The following SLC27A6 variants were observed in gnomAD, a reference collection of about 807,000 sequenced individuals.
SLC27A6 encodes solute carrier family 27 member 6.
In SLC27A6, 74 loss-of-function variants were observed where a neutral mutation model predicts 63.9. That is an observed-to-expected ratio of 1.16 (90% confidence interval 0.96 to 1.40). The LOEUF (loss-of-function observed/expected upper bound fraction) is 1.40. Among genes scored for constraint, SLC27A6 ranks in the 40% most tolerant of loss-of-function variants. SLC27A6 has a pLI of 0.00. For missense variants in SLC27A6, 794 were observed against 732.9 expected (o/e 1.08, Z -0.96); for synonymous variants, 287 against 260.8 (o/e 1.10, Z -0.97).
chr5:129,011,570 T>C (rs554165457), intron 4 of SLC27A6, among the ~76,000 whole-genome samples: 15 of 152,274 alleles, frequency 9.9e-5, no homozygotes, highest in African/African-American at 3.4e-4. Context: ...AGAATGAACT[T>C]AAATAGATTT....
rs766992404 is a variant in SLC27A6, at chr5:129,028,427, G to C, written c.1537G>C (p.Gly513Arg). ...TTTCATACAGGAAGCAAACGTCTAT[G>C]GTGTGGCTATATCAGGTATAAATAT... Reference protein sequence around the residue: ...LDFIQEANVYGVAISGYEGRA... With the variant: ...LDFIQEANVYRVAISGYEGRA... Residue 513 changes from glycine to arginine, a missense_variant, in exon 8 of 10, where the codon GGT becomes CGT. Physicochemically the swap from Gly to Arg is moderately radical, Grantham distance 125. Transcript: ENST00000262462. The C allele has an allele frequency of 2.3e-5, 37 of 1,596,746 alleles. No homozygotes were observed. In the Middle Eastern group the frequency reaches 8.3e-4, roughly 36 times the overall value.
chr5:128,966,676 C>G, intron 1 of SLC27A6, 58 bp downstream of exon 1: 1 of 1,046,864 alleles, frequency 9.6e-7, no homozygotes, highest in Non-Finnish European at 1.2e-6. Context: ...CTTTCATACC[C>G]TTTTTTTTTT....
intron 5 of SLC27A6, among the ~76,000 whole-genome samples, chr5:129,019,431 C>A (rs1752005092): frequency 6.8e-6 from 1 of 147,312 alleles, no homozygotes; most frequent in African/African-American, 2.5e-5. Context: ...TGAAATAAAG[C>A]TCGGAAAAAA....
At chr5:128,985,066 G>T (rs1750739632) in intron 1 of SLC27A6, 67 bp from the exon 2 acceptor site, 3 of 1,135,782 alleles carry the variant, frequency 2.6e-6, no homozygotes, top group Non-Finnish European at 2.6e-6. Flanking sequence ...ATACACAAAA[G>T]CAACTCCAAA....
chr5:129,015,221 T>C (rs984790244), intron 4 of SLC27A6, among the ~76,000 whole-genome samples: 1 of 152,180 alleles, frequency 6.6e-6, no homozygotes, highest in African/African-American at 2.4e-5. Context: ...ACTTACTAGA[T>C]ATAGAACAAA....
intron 1 of SLC27A6, among the ~76,000 whole-genome samples, chr5:128,974,518 T>G (rs947998784): frequency 2.0e-5 from 3 of 152,238 alleles, no homozygotes; most frequent in Admixed American, 1.3e-4. Context: ...CTTAAAATAC[T>G]GTGTTGTTGG....
chr5:128,971,072 G>A (rs75198225), intron 1 of SLC27A6, among the ~76,000 whole-genome samples: 1 of 152,182 alleles, frequency 6.6e-6, no homozygotes, highest in Middle Eastern at 3.2e-3. Context: ...GCGGTTTTGA[G>A]TGAGTTTCTT....
intron 8 of SLC27A6, among the ~76,000 whole-genome samples, 195 bp from the exon 9 acceptor site, chr5:129,029,382 C>T (rs1752344166): frequency 6.6e-6 from 1 of 151,946 alleles, no homozygotes. Flanking sequence ...AGACTCTGGC[C>T]TTCCCTGTCC....
intron 4 of SLC27A6, among the ~76,000 whole-genome samples, chr5:129,015,319 T>G (rs1020476907): frequency 6.6e-6 from 1 of 152,230 alleles, no homozygotes; most frequent in African/African-American, 2.4e-5. Context: ...AATAATTACA[T>G]ATAGTTGCCA....
chr5:129,030,939 T>G (rs1407112354), intron 9 of SLC27A6, among the ~76,000 whole-genome samples: 5 of 152,036 alleles, frequency 3.3e-5, no homozygotes, highest in African/African-American at 1.2e-4. Context: ...GTTGTCCTTT[T>G]ACAACCATAG....
In SLC27A6 at chr5:128,994,115, C is replaced by A. The variant is rs544367987; in HGVS notation, c.969+3651C>A. ...CCCGTGAGGTGGAGGTTGTGTGAGC[C>A]GAGATTGTGCCACTGCACTCCAGCC... On this transcript the variant is annotated intron_variant, in intron 4 of 9. Transcript: ENST00000262462. 2.0e-5 allele frequency among the ~76,000 whole-genome samples: 3 copies of A among 151,758 alleles called. No individual in the cohort carries two copies. The South Asian group carries it at 6.3e-4, about 32-fold the overall frequency.
intron 1 of SLC27A6, among the ~76,000 whole-genome samples, chr5:128,973,023 C>G (rs1308975362): frequency 6.6e-6 from 1 of 152,200 alleles, no homozygotes; most frequent in Non-Finnish European, 1.5e-5. Context: ...ACAGTCAGGA[C>G]CCTCAGCTGC....
At chr5:128,981,579 C>CTAG (rs1610859) in intron 1 of SLC27A6, among the ~76,000 whole-genome samples, 11,631 of 151,918 alleles carry the variant, frequency 0.077, 1,235 homozygotes, top group East Asian at 0.56. Flanking sequence ...AGTTATCTAT[C>CTAG]TAGCACCTAA....
intron 8 of SLC27A6, 133 bp downstream of exon 8, chr5:129,028,575 C>A (rs1330492558): frequency 8.9e-6 from 5 of 564,040 alleles, no homozygotes; most frequent in Non-Finnish European, 1.2e-5. Context: ...ATTGTCTTGG[C>A]AAGTAATGCC....
chr5:129,033,440 T>A lies in SLC27A6; in HGVS notation c.*158T>A. ...TTTTTTAATTGCATAAGAATTTTAA[T>A]TTCTTTTAATTGATATAAACAGTAG... is the stretch of plus-strand genomic sequence containing the variant. On this transcript the variant is annotated 3_prime_UTR_variant, in exon 10 of 10. Coordinates refer to ENST00000262462, the MANE Select transcript of SLC27A6 (RefSeq NM_001017372.3). 3 of 417,502 alleles carry A rather than the reference T, an allele frequency of 7.2e-6. No homozygotes were observed. The highest frequency in any genetic ancestry group is 1.3e-5 in the Non-Finnish European group (3 of 234,816). The allele number at this position is 417,502 out of a possible 1,614,324, so 25.9% of individuals were successfully genotyped here.
chr5:128,980,886 AATAAT>A (rs760950181), intron 1 of SLC27A6, among the ~76,000 whole-genome samples: 36 of 152,338 alleles, frequency 2.4e-4, no homozygotes, highest in African/African-American at 6.7e-4. Flanking sequence ...GTGCAGCATA[AATAAT>A]ATAACTCATA....
chr5:129,015,172 T>A (rs1475205856), intron 4 of SLC27A6, among the ~76,000 whole-genome samples: 2 of 152,152 alleles, frequency 1.3e-5, no homozygotes, highest in Non-Finnish European at 2.9e-5. Flanking sequence ...TTTACTCTAA[T>A]TTTAGGTGAG....
chr5:129,007,198 C>A (rs1751570872), intron 4 of SLC27A6, among the ~76,000 whole-genome samples: 1 of 151,888 alleles, frequency 6.6e-6, no homozygotes, highest in African/African-American at 2.4e-5. Context: ...GTAATCCCAG[C>A]ACTTTGGGAG....
In SLC27A6 at chr5:129,000,667, G is replaced by A. The variant is rs547339545; in HGVS notation, c.969+10203G>A. On this transcript the variant is annotated intron_variant, in intron 4 of 9. Transcript: ENST00000262462. ...AATGGGACCCTGCACTTTTTGGAAC[G>A]TTTCATTAATGAGCGCTAGTAGTTG... Among the ~76,000 whole-genome samples the A allele has an allele frequency of 1.1e-4, 17 of 152,268 alleles. No homozygotes were observed. The East Asian group carries it at 3.1e-3, about 28-fold the overall frequency.
Sources: allele counts gnomAD v4.1 joint callset (sites outside exome capture counted in the v4.1 genomes callset), GRCh38; gene constraint gnomAD v4.1.1; transcripts MANE v1.5; gene names NCBI Gene and HGNC (gene_info 2026-07-23, HGNC 2026-07-21).